Variants in IFT43 observed in about 807,000 individuals in gnomAD.
IFT43 encodes intraflagellar transport protein 43 homolog.
Under a neutral mutation model 32.3 loss-of-function variants are expected in IFT43, and 33 were observed. That is an observed-to-expected ratio of 1.02 (90% CI 0.77 to 1.37). The LOEUF is 1.37. Among genes scored for constraint, IFT43 ranks in the 40% most tolerant of loss-of-function variants. IFT43 has a pLI of 0.00. For synonymous variants in IFT43, 93 were observed against 98.2 expected, an observed-to-expected ratio of 0.95 and a Z score of 0.31; for missense variants, 274 against 265.9, an observed-to-expected ratio of 1.03 and a Z score of -0.21.
At chr14:76,056,720 G>A (rs558429894) in intron 3 of IFT43, among the ~76,000 whole-genome samples, 14 of 152,092 alleles carry the variant, frequency 9.2e-5, no homozygotes, top group Non-Finnish European at 1.5e-4. Flanking sequence ...TGTGTCATTC[G>A]GACAATGGGG....
chr14:76,050,772 T>C (rs948482807), intron 3 of IFT43, among the ~76,000 whole-genome samples: 1 of 152,328 alleles, frequency 6.6e-6, no homozygotes, highest in African/African-American at 2.4e-5. Flanking sequence ...AGTAGATGAT[T>C]AGTGATCCAG....
At chr14:76,068,044 G>A (rs2037256543) in intron 5 of IFT43, among the ~76,000 whole-genome samples, 1 of 152,202 alleles carries the variant, frequency 6.6e-6, no homozygotes, top group African/African-American at 2.4e-5. Context: ...AAGGTAAAAG[G>A]CACTGCAAAA....
At chr14:76,006,855 A>ATTTT (rs35845700) in intron 2 of IFT43, among the ~76,000 whole-genome samples, 3 of 124,422 alleles carry the variant, frequency 2.4e-5, no homozygotes, top group East Asian at 2.3e-4. Flanking sequence ...TACTGGGGAC[A>ATTTT]TTTTTTTTTT....
chr14:76,048,881 T>A (rs116114468), intron 3 of IFT43, among the ~76,000 whole-genome samples: 2,339 of 152,292 alleles, frequency 0.015, 66 homozygotes, highest in African/African-American at 0.053. Context: ...CCCCAGTGGC[T>A]CGCATGCCAG....
intron 2 of IFT43, among the ~76,000 whole-genome samples, chr14:75,997,348 A>G (rs1272708634): frequency 6.6e-6 from 1 of 152,238 alleles, no homozygotes; most frequent in Non-Finnish European, 1.5e-5. Context: ...AATGACCTAT[A>G]TGAGGTCAAC....
chr14:75,997,195 A>G (rs1464208104), intron 2 of IFT43, among the ~76,000 whole-genome samples: 1 of 152,224 alleles, frequency 6.6e-6, no homozygotes, highest in East Asian at 1.9e-4. Context: ...AGAGCATGGC[A>G]TGGTGGATTT....
At chr14:76,023,973 A>T (rs947076881) in intron 3 of IFT43, among the ~76,000 whole-genome samples, 16 of 152,232 alleles carry the variant, frequency 1.1e-4, no homozygotes, top group Non-Finnish European at 1.9e-4. Flanking sequence ...TGGTTGGGCC[A>T]GTAAAACCCC....
At chr14:76,081,444 C>T (rs1317787773) in intron 5 of IFT43, among the ~76,000 whole-genome samples, 6 of 152,170 alleles carry the variant, frequency 3.9e-5, no homozygotes, top group Non-Finnish European at 7.4e-5. Flanking sequence ...CTCAACCAGT[C>T]AGTGATACTC....
In IFT43 at chr14:76,074,051, A is replaced by AT. The variant is rs931705500; in HGVS notation, c.296-8237dup. Among the ~76,000 whole-genome samples the AT allele has an allele frequency of 2.0e-5, 3 of 152,262 alleles. 1 individual carries two copies. The highest frequency in any genetic ancestry group is 4.4e-5 in the Non-Finnish European group (3 of 68,026). ...CACGGGTGGCACTGATCAAAGGAGC[A>AT]TTTTTTTAATAAATATATATAAGGA... On this transcript the variant is annotated intron_variant, in intron 5 of 8. Transcript: ENST00000314067.
intron 3 of IFT43, among the ~76,000 whole-genome samples, chr14:76,025,314 G>GGACTCAATATTGAGTCCATTCATGAA (rs976897858): frequency 1.3e-5 from 2 of 151,950 alleles, no homozygotes; most frequent in Non-Finnish European, 2.9e-5. Context: ...CCATTTTCAT[G>GGACTCAATATTGAGTCCATTCATGAA]GACTCAATAT....
chr14:76,001,428 G>A (rs1279860679), intron 2 of IFT43, among the ~76,000 whole-genome samples: 1 of 152,178 alleles, frequency 6.6e-6, no homozygotes, highest in Non-Finnish European at 1.5e-5. Context: ...TCGCTATCTA[G>A]AATTCTCTGT....
chr14:75,999,243 A>AATATTCATTTATATATAAATTTATTT (rs56810996), intron 2 of IFT43, among the ~76,000 whole-genome samples: 2 of 25,318 alleles, frequency 7.9e-5, no homozygotes, highest in African/African-American at 3.5e-4. Flanking sequence ...ATATATATAT[A>AATATTCATTTATATATAAATTTATTT]TATATATATA....
At chr14:76,042,967 AGT>A (rs2036735191) in intron 3 of IFT43, among the ~76,000 whole-genome samples, 1 of 152,164 alleles carries the variant, frequency 6.6e-6, no homozygotes, top group Non-Finnish European at 1.5e-5. Flanking sequence ...CTTTTCCCCA[AGT>A]GTCATTAGGA....
At chr14:76,054,116 G>T (rs1301774879) in intron 3 of IFT43, among the ~76,000 whole-genome samples, 2 of 152,216 alleles carry the variant, frequency 1.3e-5, no homozygotes, top group Non-Finnish European at 2.9e-5. Flanking sequence ...TTAGGGCAGG[G>T]AGTCTTGTCT....
chr14:76,076,872 A>G (rs891832172), intron 5 of IFT43, among the ~76,000 whole-genome samples: 3 of 152,018 alleles, frequency 2.0e-5, no homozygotes, highest in African/African-American at 4.8e-5. Context: ...TAATTGATCT[A>G]TTGGTATTCT....
At chr14:76,062,938 A>AAAAAAAAAAAAAAAAAAAAAAGAAAAAAG (rs1485146040) in intron 5 of IFT43, among the ~76,000 whole-genome samples, 6 of 120,882 alleles carry the variant, frequency 5.0e-5, no homozygotes, top group African/African-American at 6.6e-5. Flanking sequence ...AAAAAAAAAA[A>AAAAAAAAAAAAAAAAAAAAAAGAAAAAAG]AAAGAAAATA....
At chr14:76,064,758 A>T (rs867165004) in intron 5 of IFT43, among the ~76,000 whole-genome samples, 11 of 152,346 alleles carry the variant, frequency 7.2e-5, no homozygotes, top group Middle Eastern at 3.4e-3. Context: ...AGGAAAAAGG[A>T]TTTTAGAGTT....
chr14:76,062,930 A>AG (rs2140061554), intron 5 of IFT43, among the ~76,000 whole-genome samples: 2 of 151,040 alleles, frequency 1.3e-5, no homozygotes, highest in African/African-American at 2.4e-5. Context: ...AAAAAAAAAA[A>AG]AAAAAAAAAA....
intron 3 of IFT43, among the ~76,000 whole-genome samples, chr14:76,053,948 C>G (rs1339106231): frequency 2.0e-5 from 3 of 152,208 alleles, no homozygotes; most frequent in Admixed American, 2.0e-4. Flanking sequence ...GTGGACCATT[C>G]AGGCCCCTTG....
Sources: gnomAD v4.1 joint callset for allele counts (sites outside exome capture counted in the v4.1 genomes callset) on GRCh38, gnomAD v4.1.1 for gene constraint, MANE v1.5 for transcripts, NCBI Gene and HGNC (gene_info 2026-07-23, HGNC 2026-07-21) for gene names.